Variants in ADCK1 observed in about 807,000 individuals in gnomAD.
ADCK1 encodes aarF domain containing kinase 1, also known as aarF domain-containing protein kinase 1.
Under a neutral mutation model 52.3 loss-of-function variants are expected in ADCK1, and 41 were observed. The observed-to-expected ratio is 0.78, with a 90% CI of 0.61 to 1.02. ADCK1 has a LOEUF of 1.02. Ranked by LOEUF, ADCK1 falls within the 50% of genes least tolerant of loss-of-function variation. ADCK1 has a pLI of 0.00. For synonymous variants in ADCK1, 250 were observed against 274.6 expected (o/e 0.91, Z 0.89); for missense variants, 658 against 679.5 (o/e 0.97, Z 0.35).
At chr14:77,859,407 C>T (rs2082496038) in intron 4 of ADCK1, 128 bp downstream of exon 4, 1 of 887,094 alleles carries the variant, frequency 1.1e-6, no homozygotes, top group Non-Finnish European at 1.7e-6. Flanking sequence ...GTCACAGCCA[C>T]TCTCAGTGCT....
intron 9 of ADCK1, among the ~76,000 whole-genome samples, chr14:77,929,444 T>C (rs567295018): frequency 6.6e-6 from 1 of 152,324 alleles, no homozygotes; most frequent in South Asian, 2.1e-4. Flanking sequence ...CCTTATATCA[T>C]TTAAGAGCAA....
intron 1 of ADCK1, among the ~76,000 whole-genome samples, chr14:77,809,054 G>T (rs536057638): frequency 6.6e-5 from 10 of 152,194 alleles, no homozygotes; most frequent in Non-Finnish European, 1.2e-4. Flanking sequence ...GATAATGAGG[G>T]ATTGAGTGTG....
chr14:77,925,517 T>C (rs2084169091), intron 8 of ADCK1, among the ~76,000 whole-genome samples: 2 of 152,166 alleles, frequency 1.3e-5, no homozygotes, highest in Non-Finnish European at 2.9e-5. Context: ...AGGCTGTACC[T>C]GGGAAGAGGA....
chr14:77,899,719 A>G (rs2083489784), intron 6 of ADCK1, among the ~76,000 whole-genome samples: 1 of 152,210 alleles, frequency 6.6e-6, no homozygotes, highest in South Asian at 2.1e-4. Flanking sequence ...GGAAAATCAC[A>G]TAAGAGAAAC....
At chr14:77,917,017 G>A (rs2140278236) in intron 7 of ADCK1, among the ~76,000 whole-genome samples, 1 of 152,318 alleles carries the variant, frequency 6.6e-6, no homozygotes, top group South Asian at 2.1e-4. Context: ...GAGGCCAGGA[G>A]TTTGAGACCA....
chr14:77,908,282 CT>C, intron 7 of ADCK1: 1 of 166,450 alleles, frequency 6.0e-6, no homozygotes, highest in Non-Finnish European at 1.3e-5. Context: ...TCTTCCTGCC[CT>C]TCTCTCTCCT....
At chr14:77,887,280 C>G in intron 5 of ADCK1, 31 bp downstream of exon 5, 1 of 1,524,236 alleles carries the variant, frequency 6.6e-7, no homozygotes, top group Non-Finnish European at 8.8e-7. Context: ...CTTCCTGTGT[C>G]CTCAGTCTAC....
At chr14:77,808,928 A>G (rs932688125) in intron 1 of ADCK1, among the ~76,000 whole-genome samples, 7 of 152,188 alleles carry the variant, frequency 4.6e-5, no homozygotes, top group African/African-American at 1.7e-4. Context: ...TTTTGGATCT[A>G]GTGGAGAGGG....
chr14:77,820,452 T>C (rs997298852), intron 2 of ADCK1, among the ~76,000 whole-genome samples: 1 of 151,630 alleles, frequency 6.6e-6, no homozygotes, highest in African/African-American at 2.4e-5. Context: ...TGCCTCAGAT[T>C]CTCGAGTAGC....
At chr14:77,893,961 G>A (rs1032876782) in intron 5 of ADCK1, among the ~76,000 whole-genome samples, 2 of 152,066 alleles carry the variant, frequency 1.3e-5, no homozygotes, top group African/African-American at 4.8e-5. Context: ...CTTAAACCCT[G>A]ACCTCAGGTG....
intron 4 of ADCK1, among the ~76,000 whole-genome samples, chr14:77,867,693 C>T (rs1263231819): frequency 1.3e-5 from 2 of 152,200 alleles, no homozygotes; most frequent in African/African-American, 4.8e-5. Flanking sequence ...TCTGGCCCGA[C>T]CTTCTCCCTG....
At chr14:77,838,794 A>G (rs2082010316) in intron 3 of ADCK1, among the ~76,000 whole-genome samples, 2 of 152,230 alleles carry the variant, frequency 1.3e-5, no homozygotes, top group Admixed American at 6.5e-5. Context: ...GCCTGGCCAC[A>G]GTGCAGACTA....
In ADCK1 at chr14:77,923,562, C is replaced by G. The variant is rs2084112198; in HGVS notation, c.859-895C>G. Reference sequence around the variant, plus strand: ...CTGACCAGGTTAGGTTTGTTAATGACCATGGGGTCTAGCCGAGGCCGAGAG... The same window carrying G: ...CTGACCAGGTTAGGTTTGTTAATGAGCATGGGGTCTAGCCGAGGCCGAGAG... On this transcript the variant is annotated intron_variant, in intron 7 of 10. Coordinates refer to ENST00000238561, the MANE Select transcript of ADCK1 (RefSeq NM_020421.4). The surrounding 1 kb of genome is among the most constrained non-coding windows in gnomAD (Gnocchi z 4.3). 6.6e-6 allele frequency: 1 copy of G among 152,176 alleles called. No individual in the cohort carries two copies. Among genetic ancestry groups the G allele is most frequent in the African/African-American group, 2.4e-5 (1 of 41,422 alleles). 9.4% of individuals were successfully genotyped at this position (152,176 alleles called of 1,614,324 possible).
At chr14:77,911,964 G>A (rs2083801350) in intron 7 of ADCK1, among the ~76,000 whole-genome samples, 1 of 152,142 alleles carries the variant, frequency 6.6e-6, no homozygotes, top group South Asian at 2.1e-4. Context: ...AAAGTTGCAA[G>A]TCATTTCTAG....
intron 7 of ADCK1, chr14:77,908,200 A>C (rs1159344537): frequency 4.0e-6 from 1 of 247,560 alleles, no homozygotes; most frequent in Non-Finnish European, 7.9e-6. Context: ...AAGCGGCCAC[A>C]GAGAACAATG....
intron 3 of ADCK1, among the ~76,000 whole-genome samples, chr14:77,857,831 G>C (rs2082453661): frequency 6.6e-6 from 1 of 152,198 alleles, no homozygotes; most frequent in South Asian, 2.1e-4. Context: ...TCACTCTCTT[G>C]GTTGACTGAG....
chr14:77,880,243 G>C (rs1308971155), intron 4 of ADCK1, among the ~76,000 whole-genome samples: 1 of 152,242 alleles, frequency 6.6e-6, no homozygotes, highest in Non-Finnish European at 1.5e-5. Context: ...AGAGCCAGGG[G>C]GGTGATGGCC....
intron 3 of ADCK1, among the ~76,000 whole-genome samples, chr14:77,858,383 C>T (rs2082468107): frequency 6.6e-6 from 1 of 152,020 alleles, no homozygotes; most frequent in Non-Finnish European, 1.5e-5. Context: ...ATTACAGGTG[C>T]CCGCCACCAT....
chr14:77,884,106 T>C (rs1325288463), intron 4 of ADCK1, among the ~76,000 whole-genome samples: 69 of 152,354 alleles, frequency 4.5e-4, no homozygotes, highest in Non-Finnish European at 8.8e-5. Flanking sequence ...GCCCCTGCAA[T>C]GACACTGGCT....
Sources: allele counts gnomAD v4.1 joint callset (sites outside exome capture counted in the v4.1 genomes callset), GRCh38; gene constraint gnomAD v4.1.1; non-coding constraint Gnocchi (gnomAD v3.1); transcripts MANE v1.5; gene names NCBI Gene and HGNC (gene_info 2026-07-23, HGNC 2026-07-21).